Variants in ZNF236 observed in about 807,000 individuals in gnomAD.
The protein encoded by ZNF236 is zinc finger protein 236, also known as regulated by glucose.
A neutral mutation model predicts 191.2 loss-of-function variants in ZNF236; 50 were observed. The ratio of observed to expected loss-of-function variants is 0.26; its 90% CI spans 0.21 to 0.33. ZNF236 has a LOEUF of 0.33. Among genes scored for constraint, ZNF236 ranks in the 10% least tolerant of loss-of-function variants. The pLI, the probability that ZNF236 is intolerant of heterozygous loss-of-function variation, is 1.00. For missense variants in ZNF236, 1,754 were observed against 2,374.5 expected, an observed-to-expected ratio of 0.74 and a Z score of 5.43; for synonymous variants, 907 against 928.8, an observed-to-expected ratio of 0.98 and a Z score of 0.43.
At chr18:76,905,085 T>C (rs1180708592) in intron 12 of ZNF236, 70 bp from the exon 13 acceptor site, 17 of 1,435,676 alleles carry the variant, frequency 1.2e-5, no homozygotes, top group Non-Finnish European at 1.6e-5. Flanking sequence ...AATGCAAGAG[T>C]GCATTCTAGT....
At chr18:76,874,928 C>T (rs945693333) in intron 5 of ZNF236, among the ~76,000 whole-genome samples, 1 of 152,194 alleles carries the variant, frequency 6.6e-6, no homozygotes, top group Admixed American at 6.5e-5. Flanking sequence ...CGATTTTACT[C>T]TAGGGGGGAT....
chr18:76,957,488 G>A (rs1264890175), intron 28 of ZNF236, among the ~76,000 whole-genome samples: 2 of 152,162 alleles, frequency 1.3e-5, no homozygotes, highest in Non-Finnish European at 2.9e-5. Context: ...GGAGCCTGTC[G>A]CTTGGCTGCT....
intron 11 of ZNF236, among the ~76,000 whole-genome samples, chr18:76,903,558 T>C (rs902194281): frequency 4.6e-5 from 7 of 152,158 alleles, no homozygotes; most frequent in African/African-American, 1.4e-4. Context: ...TGGAGAGCTG[T>C]GGGCAGAGGA....
chr18:76,946,710 C>G (rs1968271406), intron 26 of ZNF236, among the ~76,000 whole-genome samples: 1 of 152,218 alleles, frequency 6.6e-6, no homozygotes, highest in Non-Finnish European at 1.5e-5. Flanking sequence ...CCATACCACC[C>G]TACCTTTCTC....
intron 1 of ZNF236, among the ~76,000 whole-genome samples, chr18:76,822,910 G>A (rs1271470804): frequency 2.0e-5 from 3 of 147,832 alleles, no homozygotes; most frequent in Non-Finnish European, 4.5e-5. Flanking sequence ...GGCGGCTGAG[G>A]CGGGAGGCGG....
chr18:76,954,876 TC>T (rs1001467895), intron 27 of ZNF236, among the ~76,000 whole-genome samples: 2 of 152,208 alleles, frequency 1.3e-5, no homozygotes, highest in Admixed American at 6.5e-5. Context: ...TTCCTTTTTT[TC>T]CCCATTCCAT....
intron 27 of ZNF236, among the ~76,000 whole-genome samples, 162 bp downstream of exon 27, chr18:76,947,814 C>T (rs867560850): frequency 2.0e-5 from 3 of 151,974 alleles, no homozygotes; most frequent in African/African-American, 7.3e-5. Flanking sequence ...ATAGGCCCTG[C>T]GGGGGCGTGT....
chr18:76,890,417 T>C (rs1977195564), intron 9 of ZNF236, among the ~76,000 whole-genome samples: 1 of 152,206 alleles, frequency 6.6e-6, no homozygotes, highest in Non-Finnish European at 1.5e-5. Flanking sequence ...AATTTTATCA[T>C]TGGTGTCAGT....
chr18:76,911,297 A>T (rs1967211230), intron 16 of ZNF236, among the ~76,000 whole-genome samples: 1 of 20,866 alleles, frequency 4.8e-5, no homozygotes. Flanking sequence ...GAAATTTCTT[A>T]ATAGTGATGA....
chr18:76,823,938 C>T (rs1599301829), intron 1 of ZNF236, among the ~76,000 whole-genome samples: 3 of 152,264 alleles, frequency 2.0e-5, no homozygotes, highest in African/African-American at 7.2e-5. Context: ...GCAACTGGAG[C>T]GGCGCTCCGC....
rs181672747 is a variant in ZNF236 at position 76,946,200 on chromosome 18, A to G, written c.4783-1321A>G. Among the ~76,000 whole-genome samples the G allele has an allele frequency of 2.8e-3, 422 of 152,306 alleles. 2 individuals carry two copies. The highest frequency in any genetic ancestry group is 9.8e-3 in the African/African-American group (407 of 41,568). ...GTCTTTCCCTTGCTGTTCTCATGAT[A>G]GTGAATAAGTCTCATGAGATCTGAT... On this transcript the variant is annotated intron_variant, in intron 26 of 30. Coordinates refer to ENST00000320610, the MANE Select transcript of ZNF236 (RefSeq NM_001306089.2).
chr18:76,920,576 T>C (rs1341378357), intron 20 of ZNF236, among the ~76,000 whole-genome samples: 4 of 151,176 alleles, frequency 2.6e-5, no homozygotes, highest in Non-Finnish European at 4.4e-5. Context: ...GTCTGTTTTC[T>C]CTATAGATTG....
chr18:76,941,433 G>A (rs974125832), intron 26 of ZNF236, among the ~76,000 whole-genome samples: 3 of 152,140 alleles, frequency 2.0e-5, no homozygotes, highest in South Asian at 2.1e-4. Context: ...CCCCTGCTAC[G>A]CCACGTGGAC....
intron 9 of ZNF236, among the ~76,000 whole-genome samples, chr18:76,887,239 A>C (rs1219896115): frequency 6.6e-6 from 1 of 151,920 alleles, no homozygotes. Flanking sequence ...GGGCATGATG[A>C]TGCGCACCTG....
intron 3 of ZNF236, among the ~76,000 whole-genome samples, chr18:76,856,276 G>A (rs1220319278): frequency 6.6e-6 from 1 of 151,756 alleles, no homozygotes; most frequent in Non-Finnish European, 1.5e-5. Flanking sequence ...TCTGCCTCCC[G>A]AGTTCAAGCG....
rs368622358 is a variant in ZNF236 at position 76,972,433 on chromosome 18, ACACT to A, written c.*4098_*4101del. On this transcript the variant is annotated 3_prime_UTR_variant, in exon 31 of 31. Coordinates refer to ENST00000320610, the MANE Select transcript of ZNF236 (RefSeq NM_001306089.2). ...GCACATAGCTCACCCTCACCCTCAC[ACACT>A]CACCCACACACTCACCCTCACACTC... Among the ~76,000 whole-genome samples, 634 of 151,848 alleles carry A rather than the reference ACACT, an allele frequency of 4.2e-3. 1 individual carries two copies. The highest frequency in any genetic ancestry group is 0.014 in the African/African-American group (597 of 41,412).
intron 3 of ZNF236, among the ~76,000 whole-genome samples, chr18:76,864,852 AG>A (rs1335880432): frequency 6.6e-5 from 10 of 152,024 alleles, no homozygotes; most frequent in African/African-American, 2.2e-4. Flanking sequence ...ACAATCTCCA[AG>A]AATGCCATAC....
At chr18:76,878,192 A>C (rs1976768626) in intron 7 of ZNF236, 40 bp downstream of exon 7, 2 of 1,534,128 alleles carry the variant, frequency 1.3e-6, no homozygotes, top group Non-Finnish European at 1.8e-6. Context: ...TTTAAACTAA[A>C]ATCTGTCATT....
intron 25 of ZNF236, among the ~76,000 whole-genome samples, chr18:76,932,946 C>T (rs981897756): frequency 4.6e-5 from 7 of 152,130 alleles, no homozygotes; most frequent in South Asian, 4.1e-4. Context: ...CTGGCTAGTT[C>T]GGTAGTAAGT....
Sources: allele counts gnomAD v4.1 joint callset (sites outside exome capture counted in the v4.1 genomes callset), GRCh38; gene constraint gnomAD v4.1.1; transcripts MANE v1.5; gene names NCBI Gene and HGNC (gene_info 2026-07-23, HGNC 2026-07-21).